The following KCNH8 variants were observed in gnomAD, a reference collection of about 807,000 sequenced individuals.
KCNH8 encodes voltage-gated delayed rectifier potassium channel KCNH8.
KCNH8 carries 70 observed loss-of-function variants against 103.6 expected under a neutral mutation model. That is an observed-to-expected ratio of 0.68 (90% confidence interval 0.56 to 0.82). The LOEUF (loss-of-function observed/expected upper bound fraction) is 0.82, where lower values mean the gene tolerates loss of function less well. Among genes scored for constraint, KCNH8 ranks in the 40% least tolerant of loss-of-function variants. The pLI is 0.00. For synonymous variants in KCNH8, 498 were observed against 489.4 expected (o/e 1.02, Z -0.23); for missense variants, 1,217 against 1,329.9 (o/e 0.92, Z 1.32).
chr3:19,309,901 T>C (rs1475444949), intron 3 of KCNH8, among the ~76,000 whole-genome samples: 1 of 151,920 alleles, frequency 6.6e-6, no homozygotes, highest in Non-Finnish European at 1.5e-5. Flanking sequence ...CTCAATTCAT[T>C]GGTGGGTCAA....
At chr3:19,495,255 C>T (rs775428075) in intron 11 of KCNH8, among the ~76,000 whole-genome samples, 8 of 152,096 alleles carry the variant, frequency 5.3e-5, no homozygotes, top group Non-Finnish European at 8.8e-5. Context: ...GCATCTTTTT[C>T]GTGAAATCTT....
At chr3:19,246,317 G>A (rs1314594436) in intron 1 of KCNH8, among the ~76,000 whole-genome samples, 12 of 122,410 alleles carry the variant, frequency 9.8e-5, no homozygotes, top group African/African-American at 2.0e-4. Flanking sequence ...TCGCTCTGTC[G>A]CCAGGCTGGA....
At position 19,533,719 on chromosome 3, in the gene KCNH8, G is replaced by A; in HGVS notation, c.2944G>A (p.Asp982Asn). ...RTGAHEQNPA[D>N]SELYHSPSLD... ...TGGAGCTCATGAGCAAAATCCTGCA[G>A]ACAGTGAACTTTATCATTCTCCAAG... Residue 982 changes from aspartate (D) to asparagine (N), a missense_variant, in exon 16 of 16, where the codon GAC becomes AAC. Transcript: ENST00000328405. 2 of 1,614,172 alleles carry A rather than the reference G, an allele frequency of 1.2e-6. No homozygotes were observed. Among genetic ancestry groups the A allele is most frequent in the Non-Finnish European group, 1.7e-6 (2 of 1,180,012 alleles).
At chr3:19,496,493 A>G (rs1234041604) in intron 11 of KCNH8, among the ~76,000 whole-genome samples, 1 of 152,100 alleles carries the variant, frequency 6.6e-6, no homozygotes, top group African/African-American at 2.4e-5. Context: ...GATGAATCAT[A>G]TTTATTTATT....
At chr3:19,488,565 G>C (rs1172657804) in intron 11 of KCNH8, among the ~76,000 whole-genome samples, 2 of 152,196 alleles carry the variant, frequency 1.3e-5, no homozygotes, top group Non-Finnish European at 2.9e-5. Flanking sequence ...GCCTCACACA[G>C]TCTTTCATAG....
chr3:19,238,547 A>G (rs2064093788), intron 1 of KCNH8, among the ~76,000 whole-genome samples: 1 of 152,254 alleles, frequency 6.6e-6, no homozygotes, highest in Non-Finnish European at 1.5e-5. Context: ...TGATTTAATA[A>G]CCGCATGCTG....
chr3:19,319,208 C>A (rs1175526696), intron 3 of KCNH8, among the ~76,000 whole-genome samples: 4 of 151,842 alleles, frequency 2.6e-5, no homozygotes, highest in Non-Finnish European at 4.4e-5. Flanking sequence ...GTTGCATTTG[C>A]TTTTGGGTTC....
chr3:19,260,489 T>TAG (rs1460269650), intron 2 of KCNH8, among the ~76,000 whole-genome samples: 3 of 3,458 alleles, frequency 8.7e-4, no homozygotes, highest in South Asian at 0.013. Flanking sequence ...CTCTATAGGA[T>TAG]ATATATATAT....
chr3:19,373,522 A>G (rs1169869141), intron 5 of KCNH8, among the ~76,000 whole-genome samples: 3 of 151,988 alleles, frequency 2.0e-5, no homozygotes, highest in African/African-American at 7.3e-5. Flanking sequence ...TAGTCTTGCT[A>G]GCGGTCTATC....
chr3:19,499,402 A>G (rs1296158726), intron 11 of KCNH8, among the ~76,000 whole-genome samples: 6 of 152,176 alleles, frequency 3.9e-5, no homozygotes, highest in Admixed American at 6.5e-5. Flanking sequence ...CCAATCTAGC[A>G]AGGCAGGCCA....
intron 5 of KCNH8, among the ~76,000 whole-genome samples, chr3:19,388,285 C>T (rs2066387292): frequency 1.3e-5 from 2 of 152,144 alleles, no homozygotes; most frequent in South Asian, 4.1e-4. Context: ...TTCACCTGTG[C>T]TTCCTTTTAG....
At chr3:19,394,343 T>C (rs141474239) in intron 6 of KCNH8, among the ~76,000 whole-genome samples, 157 of 152,176 alleles carry the variant, frequency 1.0e-3, no homozygotes, top group African/African-American at 3.6e-3. Flanking sequence ...TATTTTTCAA[T>C]TGGACCCTGA....
At chr3:19,275,385 C>T (rs1225362945) in intron 2 of KCNH8, among the ~76,000 whole-genome samples, 1 of 152,068 alleles carries the variant, frequency 6.6e-6, no homozygotes, top group Non-Finnish European at 1.5e-5. Flanking sequence ...CAGTTCATCT[C>T]CTGTCTACCC....
chr3:19,213,948 C>T (rs1295106731), intron 1 of KCNH8, among the ~76,000 whole-genome samples: 1 of 152,190 alleles, frequency 6.6e-6, no homozygotes, highest in Non-Finnish European at 1.5e-5. Context: ...GCCTTCTTGA[C>T]ACAGAAACCA....
intron 5 of KCNH8, among the ~76,000 whole-genome samples, chr3:19,364,385 C>T (rs1188463459): frequency 6.6e-6 from 1 of 152,040 alleles, no homozygotes; most frequent in Non-Finnish European, 1.5e-5. Flanking sequence ...CTTTGTCCCA[C>T]AAAGCTATTT....
rs78530853 is a variant in KCNH8, at chr3:19,214,166, G to C, written c.77-39488G>C. On this transcript the variant is annotated intron_variant, in intron 1 of 15. Coordinates refer to ENST00000328405, the MANE Select transcript of KCNH8 (RefSeq NM_144633.3). ...ACCTATGTAATTCTCTACGACGTTGGGAGCTGAACTGCACTTTCTCTAAGT... is the reference window on the plus strand; with the variant it reads ...ACCTATGTAATTCTCTACGACGTTGCGAGCTGAACTGCACTTTCTCTAAGT... Among the ~76,000 whole-genome samples, 63 of 152,256 alleles carry C rather than the reference G, an allele frequency of 4.1e-4. 1 individual carries two copies. In the East Asian group the frequency reaches 7.6e-3, roughly 18 times the overall value.
At chr3:19,526,762 A>G (rs914696555) in intron 15 of KCNH8, among the ~76,000 whole-genome samples, 4 of 151,996 alleles carry the variant, frequency 2.6e-5, no homozygotes, top group African/African-American at 9.7e-5. Context: ...CTAGAGATAT[A>G]CTGACACTTC....
intron 3 of KCNH8, among the ~76,000 whole-genome samples, chr3:19,290,949 A>G (rs1183236195): frequency 1.3e-5 from 2 of 152,120 alleles, no homozygotes; most frequent in Admixed American, 6.5e-5. Flanking sequence ...CAGAGATTCA[A>G]CTTCTTCCTG....
intron 3 of KCNH8, among the ~76,000 whole-genome samples, chr3:19,338,769 C>T (rs2065618870): frequency 6.6e-6 from 1 of 152,026 alleles, no homozygotes; most frequent in South Asian, 2.1e-4. Context: ...TGTGATCTTT[C>T]ATTTTTTGCT....
Sources: gnomAD v4.1 joint callset for allele counts (sites outside exome capture counted in the v4.1 genomes callset) on GRCh38, gnomAD v4.1.1 for gene constraint, MANE v1.5 for transcripts, NCBI Gene and HGNC (gene_info 2026-07-23, HGNC 2026-07-21) for gene names.